Variants in STPG2 observed in about 807,000 individuals in gnomAD.
STPG2 encodes sperm tail PG-rich repeat containing 2.
In STPG2, 56 loss-of-function variants were observed where a neutral mutation model predicts 54.2. The observed-to-expected ratio is 1.03, with a 90% confidence interval of 0.83 to 1.29. The LOEUF (loss-of-function observed/expected upper bound fraction) is 1.29. STPG2 is among the 50% of genes most tolerant of loss of function. The pLI, the probability that STPG2 is intolerant of heterozygous loss-of-function variation, is 0.00. For missense variants in STPG2, 596 were observed against 544.9 expected, an observed-to-expected ratio of 1.09 and a Z score of -0.93; for synonymous variants, 200 against 181.8, an observed-to-expected ratio of 1.10 and a Z score of -0.81.
At chr4:98,094,323 T>G (rs982210184) in intron 5 of STPG2, among the ~76,000 whole-genome samples, 2 of 152,154 alleles carry the variant, frequency 1.3e-5, no homozygotes, top group African/African-American at 4.8e-5. Flanking sequence ...ACCTGCTGAC[T>G]AAAGAGCCCT....
At chr4:97,901,115 A>G (rs1426250676) in intron 8 of STPG2, among the ~76,000 whole-genome samples, 1 of 152,016 alleles carries the variant, frequency 6.6e-6, no homozygotes, top group Non-Finnish European at 1.5e-5. Flanking sequence ...GAAGACTTGA[A>G]TAACAGAATT....
intron 10 of STPG2, among the ~76,000 whole-genome samples, chr4:97,585,117 A>AC (rs1365786596): frequency 1.4e-5 from 2 of 146,770 alleles, no homozygotes; most frequent in Non-Finnish European, 3.0e-5. Context: ...AAAAAAAAAA[A>AC]AAAAAAACAA....
At chr4:97,538,104 T>C (rs1014106920) in intron 4 of STPG2, among the ~76,000 whole-genome samples, 1 of 151,884 alleles carries the variant, frequency 6.6e-6, no homozygotes, top group African/African-American at 2.4e-5. Context: ...AAAAACAAAA[T>C]ACAAAAACTG....
At chr4:98,018,943 G>A (rs528570036) in intron 5 of STPG2, among the ~76,000 whole-genome samples, 13 of 151,840 alleles carry the variant, frequency 8.6e-5, no homozygotes, top group South Asian at 2.1e-4. Context: ...AGTAGGTTGC[G>A]AAAATTTTCT....
At chr4:97,842,991 A>G (rs1728846180) in intron 8 of STPG2, among the ~76,000 whole-genome samples, 1 of 151,910 alleles carries the variant, frequency 6.6e-6, no homozygotes, top group Admixed American at 6.6e-5. Context: ...CTGTCTAATA[A>G]CAATAATTTA....
At chr4:97,707,492 AC>A (rs1723984376) in intron 10 of STPG2, among the ~76,000 whole-genome samples, 2 of 152,164 alleles carry the variant, frequency 1.3e-5, no homozygotes, top group African/African-American at 2.4e-5. Flanking sequence ...CTGCAGTCCA[AC>A]CTGGGCAACA....
chr4:97,590,356 CAAG>C (rs1192590489), intron 10 of STPG2, among the ~76,000 whole-genome samples: 2 of 151,838 alleles, frequency 1.3e-5, no homozygotes, highest in African/African-American at 4.8e-5. Flanking sequence ...AGCAGCAAGA[CAAG>C]ATGGGGGATG....
At chr4:97,796,699 C>G (rs1305809389) in intron 9 of STPG2, among the ~76,000 whole-genome samples, 1 of 152,150 alleles carries the variant, frequency 6.6e-6, no homozygotes, top group Non-Finnish European at 1.5e-5. Flanking sequence ...TTCTTAGTTC[C>G]ATATAAACTT....
At chr4:97,886,439 T>C (rs1188182193) in intron 8 of STPG2, among the ~76,000 whole-genome samples, 1 of 152,162 alleles carries the variant, frequency 6.6e-6, no homozygotes, top group African/African-American at 2.4e-5. Flanking sequence ...CAATAAAATG[T>C]GTTGTCAACA....
intron 9 of STPG2, among the ~76,000 whole-genome samples, chr4:97,819,931 A>G (rs1728030886): frequency 6.6e-6 from 1 of 151,912 alleles, no homozygotes; most frequent in South Asian, 2.1e-4. Flanking sequence ...GTCTTGCTTT[A>G]TTGTGCTTTA....
At chr4:97,744,663 T>C (rs565648752) in intron 9 of STPG2, among the ~76,000 whole-genome samples, 3 of 151,404 alleles carry the variant, frequency 2.0e-5, no homozygotes, top group African/African-American at 7.2e-5. Flanking sequence ...GCTGCGATAA[T>C]GTTTAATTTA....
chr4:97,938,110 G>T (rs1431358932), intron 8 of STPG2, among the ~76,000 whole-genome samples: 1 of 152,130 alleles, frequency 6.6e-6, no homozygotes, highest in African/African-American at 2.4e-5. Flanking sequence ...CTGCAGGGAG[G>T]CCTCACCCAG....
At chr4:97,573,078 A>C (rs1226966669) in intron 10 of STPG2, among the ~76,000 whole-genome samples, 1 of 152,100 alleles carries the variant, frequency 6.6e-6, no homozygotes, top group East Asian at 1.9e-4. Context: ...AAAATGCCTC[A>C]GACATTTTCT....
chr4:97,955,487 T>G (rs1733642561), intron 7 of STPG2, among the ~76,000 whole-genome samples: 1 of 152,146 alleles, frequency 6.6e-6, no homozygotes, highest in South Asian at 2.1e-4. Flanking sequence ...AGGGCTGGGA[T>G]TACAGGTGTG....
At chr4:97,498,500 C>T (rs1194780459) in intron 4 of STPG2, among the ~76,000 whole-genome samples, 1 of 151,098 alleles carries the variant, frequency 6.6e-6, no homozygotes, top group Admixed American at 6.6e-5. Context: ...TTATATATCA[C>T]AAAACAAGGA....
At chr4:97,799,657 T>G (rs2149088409) in intron 9 of STPG2, among the ~76,000 whole-genome samples, 1 of 152,290 alleles carries the variant, frequency 6.6e-6, no homozygotes, top group Non-Finnish European at 1.5e-5. Context: ...GACAATTATG[T>G]GTCTTGGAGT....
At chr4:97,656,473 G>A (rs1722222493) in intron 10 of STPG2, among the ~76,000 whole-genome samples, 1 of 151,752 alleles carries the variant, frequency 6.6e-6, no homozygotes, top group African/African-American at 2.4e-5. Flanking sequence ...CTCTCCATTA[G>A]GACAAATGCA....
At chr4:97,823,470 C>A (rs1728148590) in intron 9 of STPG2, among the ~76,000 whole-genome samples, 1 of 152,192 alleles carries the variant, frequency 6.6e-6, no homozygotes, top group Non-Finnish European at 1.5e-5. Context: ...GCTGTTGAGA[C>A]CTAGTACTTA....
chr4:97,793,332 A>T (rs550482889), intron 9 of STPG2, among the ~76,000 whole-genome samples: 1 of 151,560 alleles, frequency 6.6e-6, no homozygotes, highest in South Asian at 2.1e-4. Flanking sequence ...GCACCATGAA[A>T]GCAGGGATTT....
Sources: allele counts gnomAD v4.1 joint callset (sites outside exome capture counted in the v4.1 genomes callset), GRCh38; gene constraint gnomAD v4.1.1; transcripts MANE v1.5; gene names NCBI Gene and HGNC (gene_info 2026-07-23, HGNC 2026-07-21).